The following RCCD1 variants were observed in gnomAD, a reference collection of about 807,000 sequenced individuals.
RCCD1 encodes RCC1 domain containing 1, also known as RCC1 domain-containing protein 1.
In RCCD1, 40 loss-of-function variants were observed where a neutral mutation model predicts 37.6. That is an observed-to-expected ratio of 1.06 (90% CI 0.83 to 1.39). RCCD1 has a LOEUF of 1.39. RCCD1 is among the 40% of genes most tolerant of loss of function. The pLI is 0.00. For missense variants in RCCD1, 577 were observed against 517.3 expected, an observed-to-expected ratio of 1.12 and a Z score of -1.12; for synonymous variants, 263 against 230.0, an observed-to-expected ratio of 1.14 and a Z score of -1.30.
chr15:90,955,415 C>T (rs1168854148), intron 1 of RCCD1: 1 of 152,272 alleles, frequency 6.6e-6, no homozygotes, highest in East Asian at 1.9e-4. Context: ...CCAGAAGGAC[C>T]TGCCCGAGAG....
chr15:90,959,838 A>G, intron 4 of RCCD1, 62 bp from the exon 5 acceptor site: 1 of 1,290,620 alleles, frequency 7.7e-7, no homozygotes, highest in South Asian at 1.3e-5. Context: ...GATGGGGAGG[A>G]GAGTTTGGAT....
intron 6 of RCCD1, 182 bp from the exon 7 acceptor site, chr15:90,960,843 C>T (rs2151382497): frequency 2.9e-6 from 2 of 695,940 alleles, no homozygotes; most frequent in East Asian, 5.4e-5. Flanking sequence ...GCCACTTTTT[C>T]CCTCGGGATC....
In RCCD1 at chr15:90,961,677, G is replaced by C. The variant is rs1210882135; in HGVS notation, c.1039G>C (p.Glu347Gln). 2 of 1,614,058 alleles carry C rather than the reference G, an allele frequency of 1.2e-6. No individual in the cohort carries two copies. The highest frequency in any genetic ancestry group is 2.2e-5 in the East Asian group (1 of 44,904). The change falls in exon 8 of 8, where the codon GAA becomes CAA. Residue 347 changes from glutamate to glutamine, a missense_variant. By Grantham distance (29) the Glu-to-Gln change is conservative. Coordinates refer to ENST00000394258, the MANE Select transcript of RCCD1 (RefSeq NM_001017919.2). ...TTSLDRPRRVEYFVDKQLQVK... is the reference protein window; with the variant it reads ...TTSLDRPRRVQYFVDKQLQVK... The stretch of plus-strand genomic sequence containing the variant: ...CAGCTTGGATCGGCCTCGCCGTGTG[G>C]AATACTTTGTAGATAAGCAACTCCA...
chr15:90,959,050 C>A (rs1206178923), intron 4 of RCCD1, among the ~76,000 whole-genome samples: 4 of 152,036 alleles, frequency 2.6e-5, no homozygotes, highest in Non-Finnish European at 5.9e-5. Flanking sequence ...GAGTTTGAGG[C>A]CTTAAGTTTA....
chr15:90,956,236 T>C (rs77429369), intron 1 of RCCD1, among the ~76,000 whole-genome samples: 1,902 of 152,066 alleles, frequency 0.013, 41 homozygotes, highest in African/African-American at 0.044. Flanking sequence ...GGACCTGATT[T>C]CAGCGCTCTG....
In RCCD1 at chr15:90,957,160, C is replaced by G. The variant is rs2037213565; in HGVS notation, c.214C>G (p.Arg72Gly). The change falls in exon 3 of 8, where the codon CGC (arginine) becomes GGC (glycine). Residue 72 changes from arginine to glycine, a missense_variant. Physicochemically the swap from Arg to Gly is moderately radical, Grantham distance 125. Transcript: ENST00000394258. ...LSGSASGAAG[R>G]CKDAWASEGL... ...GGGCTCAGCCAGCGGCGCGGCGGGC[C>G]GCTGCAAGGACGCGTGGGCCTCGGA... The G allele has an allele frequency of 1.5e-6, 2 of 1,365,556 alleles. No individual in the cohort carries two copies. The highest frequency in any genetic ancestry group is 7.7e-5 in the Admixed American group (2 of 26,030). 84.6% of individuals were successfully genotyped at this position (1,365,556 alleles called of 1,614,324 possible). A position where few individuals can be genotyped will look rare whatever the true frequency, so the allele number is the denominator to read the frequency against.
chr15:90,957,513 G>GGTGAGCGGAT lies in RCCD1; in HGVS notation c.557+11_557+12insTGAGCGGATG. 6.3e-7 allele frequency: 1 copy of GGTGAGCGGAT among 1,580,670 alleles called. No homozygotes were observed. The highest frequency in any genetic ancestry group is 8.6e-7 in the Non-Finnish European group (1 of 1,165,936). On this transcript the variant is annotated intron_variant, in intron 3 of 7. Transcript: ENST00000394258. ...CCTGGGGCGGGGGCAGGTGAGCGGA[G>GGTGAGCGGAT]GCGGGGGCAGGTGAGGGCTGCTGAT...
In RCCD1 at chr15:90,957,192, C is replaced by A. The variant is rs1209198828; in HGVS notation, c.246C>A (p.Leu82=). 10 of 1,392,712 alleles carry A rather than the reference C, an allele frequency of 7.2e-6. No individual in the cohort carries two copies. Among genetic ancestry groups the A allele is most frequent in the Non-Finnish European group, 9.3e-6 (10 of 1,078,632 alleles). 86.3% of individuals were successfully genotyped at this position (1,392,712 alleles called of 1,614,324 possible). Residue 82 remains leucine, a synonymous_variant, in exon 3 of 8, where the codon CTC becomes CTA. Transcript: ENST00000394258. ...AGGACGCGTGGGCCTCGGAGGGGCT[C>A]CTCGCGGTGCTGCGCGCCGGGCCGG... ...RCKDAWASEG[L]LAVLRAGPGP...
Position 90,956,810 on chromosome 15 carries a change from G to A in RCCD1, c.76G>A (p.Gly26Arg). 2 of 1,308,110 alleles carry A rather than the reference G, an allele frequency of 1.5e-6. No individual in the cohort carries two copies. The highest frequency in any genetic ancestry group is 1.9e-6 in the Non-Finnish European group (2 of 1,028,668). 81.0% of individuals were successfully genotyped at this position (1,308,110 alleles called of 1,614,324 possible). The change falls in exon 2 of 8, where the codon GGG becomes AGG. Residue 26 changes from glycine (G) to arginine (R), a missense_variant. Physicochemically the swap from Gly to Arg is moderately radical, Grantham distance 125. Coordinates refer to ENST00000394258, the MANE Select transcript of RCCD1 (RefSeq NM_001017919.2). ...CGGGCAGGAGCTGGGCTCCGGACGC[G>A]GGCGCCAGGTGCACAGCCCCAGTCC... Reference protein sequence around the residue: ...GFGQELGSGRGRQVHSPSPLR... With the variant: ...GFGQELGSGRRRQVHSPSPLR...
At chr15:90,959,289 C>CTTCA (rs947086416) in intron 4 of RCCD1, among the ~76,000 whole-genome samples, 7 of 103,952 alleles carry the variant, frequency 6.7e-5, no homozygotes, top group African/African-American at 1.2e-4. Context: ...GGATTAAGCA[C>CTTCA]TTCATAAAGC....
At position 90,956,673 on chromosome 15, in the gene RCCD1, CG is replaced by C; in HGVS notation, c.-61del. On this transcript the variant is annotated 5_prime_UTR_variant, in exon 2 of 8. Transcript: ENST00000394258. Reference sequence around the variant, plus strand: ...GCCAGTGTCCCACTAGCGGGCTCTTCGCAAGAATCCCCCCGGGCCCGCCGCA... The same window carrying C: ...GCCAGTGTCCCACTAGCGGGCTCTTCCAAGAATCCCCCCGGGCCCGCCGCA... The C allele has an allele frequency of 8.1e-7, 1 of 1,236,022 alleles. No individual in the cohort carries two copies. Among genetic ancestry groups the C allele is most frequent in the East Asian group, 3.1e-5 (1 of 31,778 alleles). The allele number at this position is 1,236,022 out of a possible 1,614,324, so 76.6% of individuals were successfully genotyped here.
At chr15:90,956,014 C>T (rs2037182847) in intron 1 of RCCD1, 1 of 152,260 alleles carries the variant, frequency 6.6e-6, no homozygotes. Flanking sequence ...GTACTCGCAC[C>T]AAACCCTTTA....
chr15:90,961,503 C>A, intron 7 of RCCD1, 115 bp from the exon 8 acceptor site: 1 of 1,235,540 alleles, frequency 8.1e-7, no homozygotes, highest in Non-Finnish European at 1.1e-6. Context: ...CTTGGATTCA[C>A]AGAGCAGTGG....
At chr15:90,959,113 A>G (rs779264637) in intron 4 of RCCD1, among the ~76,000 whole-genome samples, 9 of 152,028 alleles carry the variant, frequency 5.9e-5, no homozygotes, top group Non-Finnish European at 1.2e-4. Context: ...GTTTCAGATC[A>G]TTGCTCGGGC....
Position 90,960,342 on chromosome 15 carries a change from G to T in RCCD1, c.793G>T (p.Glu265Ter), listed in dbSNP as rs548495284. 3 of 1,607,886 alleles carry T rather than the reference G, an allele frequency of 1.9e-6. No homozygotes were observed. The highest frequency in any genetic ancestry group is 1.7e-6 in the Non-Finnish European group (2 of 1,176,750). ...TCATTCTGAAGCCACAGAACTGAAT[G>T]AAGATGGTTCTCAGGTGAAGAGAAC... Reference protein sequence around the residue: ...TVAREATELNEDGSQVKRTGG... With the variant: ...TVAREATELN The change falls in exon 6 of 8, where the codon GAA (glutamate) becomes TAA (stop). Residue 265 changes from glutamate (E) to a stop codon, truncating the protein, a stop_gained. Transcript: ENST00000394258. LOFTEE classifies it high-confidence loss of function.
rs753300677 is a variant in RCCD1 at position 90,961,625 on chromosome 15, T to TG, written c.989dup (p.Gln331ThrfsTer22). 8.7e-6 allele frequency: 14 copies of TG among 1,612,722 alleles called. No homozygotes were observed. The South Asian group carries it at 1.5e-4, about 18-fold the overall frequency. ...GGGCTGATTTCACTTTAGGTAAATA[T>TG]GGACAGCTGGGCCACGAGGACACCA... On this transcript the variant is annotated frameshift_variant, in exon 8 of 8. Coordinates refer to ENST00000394258, the MANE Select transcript of RCCD1 (RefSeq NM_001017919.2). LOFTEE classifies it high-confidence loss of function.
intron 4 of RCCD1, among the ~76,000 whole-genome samples, chr15:90,958,988 C>G (rs2037261495): frequency 6.6e-6 from 1 of 151,168 alleles, no homozygotes; most frequent in African/African-American, 2.4e-5. Flanking sequence ...GCTGGAGAGA[C>G]CAGAGGGCTG....
chr15:90,961,556 T>C, intron 7 of RCCD1, 62 bp from the exon 8 acceptor site: 1 of 1,547,230 alleles, frequency 6.5e-7, no homozygotes. Context: ...GGCCCCTTCC[T>C]GGAGGGAAAG....
chr15:90,956,765 G>A lies in RCCD1; in HGVS notation c.31G>A (p.Gly11Ser), dbSNP rs2037203050. 1.5e-6 allele frequency: 2 copies of A among 1,330,528 alleles called. No individual in the cohort carries two copies. The highest frequency in any genetic ancestry group is 1.9e-6 in the Non-Finnish European group (2 of 1,039,818). The allele number at this position is 1,330,528 out of a possible 1,614,324, so 82.4% of individuals were successfully genotyped here. MAEERPGAWF[G>S]FGFCGFGQEL... is the part of the protein sequence containing the mutation. Reference sequence around the variant, plus strand: ...GGAGGAGCGGCCGGGGGCCTGGTTCGGCTTCGGTTTCTGCGGCTTCGGGCA... The same window carrying A: ...GGAGGAGCGGCCGGGGGCCTGGTTCAGCTTCGGTTTCTGCGGCTTCGGGCA... Residue 11 changes from glycine (G) to serine (S), a missense_variant, in exon 2 of 8, where the codon GGC becomes AGC. Gly to Ser is a moderately conservative substitution (Grantham distance 56). Transcript: ENST00000394258.
Sources: allele counts gnomAD v4.1 joint callset (sites outside exome capture counted in the v4.1 genomes callset), GRCh38; gene constraint gnomAD v4.1.1; transcripts MANE v1.5; gene names NCBI Gene and HGNC (gene_info 2026-07-23, HGNC 2026-07-21).